The following MAP3K19 variants were observed in gnomAD, a reference collection of about 807,000 sequenced individuals.
MAP3K19 encodes the protein mitogen-activated protein kinase kinase kinase 19.
Under a neutral mutation model 114.4 loss-of-function variants are expected in MAP3K19, and 91 were observed. That is an observed-to-expected ratio of 0.80 (90% confidence interval 0.67 to 0.95). The LOEUF (loss-of-function observed/expected upper bound fraction) is 0.95. MAP3K19 is among the 40% of genes least tolerant of loss of function. The pLI, the probability that MAP3K19 is intolerant of heterozygous loss-of-function variation, is 0.00. For synonymous variants in MAP3K19, 518 were observed against 530.5 expected (o/e 0.98, Z 0.32); for missense variants, 1,471 against 1,573.2 (o/e 0.94, Z 1.10).
chr2:135,016,756 TA>T (rs1455212738), intron 5 of MAP3K19, among the ~76,000 whole-genome samples: 2 of 152,248 alleles, frequency 1.3e-5, no homozygotes, highest in African/African-American at 4.8e-5. Context: ...ATTTGTAGCT[TA>T]CAATGGTATT....
chr2:134,986,673 T>C lies in MAP3K19; in HGVS notation c.2199A>G (p.Lys733=). Residue 733 remains lysine (K), a synonymous_variant, in exon 10 of 13, where the codon AAA becomes AAG. Transcript: ENST00000392915. The part of the protein sequence containing the change: ...MKCPKTSFGI[K]QEHKVLISKE... ...TAGAAATTAAGACTTTGTGCTCTTG[T>C]TTAATGCCAAATGAAGTCTTTGGGC... The C allele has an allele frequency of 4.3e-6, 7 of 1,614,224 alleles. No homozygotes were observed. Among genetic ancestry groups the C allele is most frequent in the Non-Finnish European group, 5.9e-6 (7 of 1,180,042 alleles).
chr2:135,024,554 T>C, intron 4 of MAP3K19, 72 bp downstream of exon 4: 1 of 1,324,776 alleles, frequency 7.5e-7, no homozygotes. Flanking sequence ...ATCAAACAGA[T>C]GTAGAAAAAG....
In MAP3K19 at chr2:135,005,534, G is replaced by A; in HGVS notation, c.139-3C>T. The A allele has an allele frequency of 1.9e-6, 3 of 1,609,482 alleles. No individual in the cohort carries two copies. The highest frequency in any genetic ancestry group is 2.6e-6 in the Non-Finnish European group (3 of 1,175,976). On this transcript the variant is annotated splice_region_variant and splice_polypyrimidine_tract_variant and intron_variant, in intron 5 of 12. Coordinates refer to ENST00000392915, the MANE Select transcript of MAP3K19 (RefSeq NM_025052.5). ...CAGTCACCATCTTGGTCGAACTCCT[G>A]CAATATCATAAAATTCAAAACTCAG...
chr2:135,019,885 T>TGTACTATATA (rs1687851070), intron 5 of MAP3K19, among the ~76,000 whole-genome samples: 2 of 152,304 alleles, frequency 1.3e-5, no homozygotes, highest in East Asian at 3.9e-4. Flanking sequence ...TTACTAATAC[T>TGTACTATATA]GTTACTGTAC....
chr2:134,987,808 T>C lies in MAP3K19; in HGVS notation c.1064A>G (p.Lys355Arg). ...GTTCTCTTCTTCAGGTTTTCGCGTT[T>C]TACTACCATGGCAGTCAATATCCTC... ...REEDIDCHGS[K>R]TRKPEEENSQ... The change falls in exon 10 of 13, where the codon AAA becomes AGA. Residue 355 changes from lysine (K) to arginine (R), a missense_variant. Transcript: ENST00000392915. 6.2e-7 allele frequency: 1 copy of C among 1,608,074 alleles called. No individual in the cohort carries two copies. Among genetic ancestry groups the C allele is most frequent in the Non-Finnish European group, 8.5e-7 (1 of 1,180,004 alleles).
chr2:135,001,233 C>T (rs1002868401), intron 6 of MAP3K19, among the ~76,000 whole-genome samples: 1 of 151,918 alleles, frequency 6.6e-6, no homozygotes, highest in African/African-American at 2.4e-5. Context: ...TTTTGTGCTA[C>T]CATAAAAATG....
intron 1 of MAP3K19, among the ~76,000 whole-genome samples, chr2:135,042,511 A>G (rs1338192041): frequency 2.7e-5 from 4 of 150,858 alleles, no homozygotes; most frequent in Admixed American, 6.6e-5. Flanking sequence ...CAAAAAAAAA[A>G]AAAAAAAAGA....
chr2:134,964,764 G>A lies in MAP3K19; in HGVS notation c.*86C>T. 9.1e-7 allele frequency: 1 copy of A among 1,102,204 alleles called. No individual in the cohort carries two copies. The highest frequency in any genetic ancestry group is 1.3e-6 in the Non-Finnish European group (1 of 742,260). The allele number at this position is 1,102,204 out of a possible 1,614,324, so 68.3% of individuals were successfully genotyped here. A position where few individuals can be genotyped will look rare whatever the true frequency, so the allele number is the denominator to read the frequency against. On this transcript the variant is annotated 3_prime_UTR_variant, in exon 13 of 13. Transcript: ENST00000392915. Reference sequence around the variant, plus strand: ...TGGGTTAGACTGAATTTTCAGTGGGGAAACAAAGATCCCTTAGCCATCATT... The same window carrying A: ...TGGGTTAGACTGAATTTTCAGTGGGAAAACAAAGATCCCTTAGCCATCATT...
intron 4 of MAP3K19, 148 bp downstream of exon 4, chr2:135,024,478 T>C: frequency 1.3e-6 from 1 of 744,710 alleles, no homozygotes; most frequent in Non-Finnish European, 2.3e-6. Flanking sequence ...GAGCACCTAG[T>C]CGTGGGCCTT....
chr2:134,987,864 CA>C lies in MAP3K19; in HGVS notation c.1007del (p.Leu336Ter). 6.2e-7 allele frequency: 1 copy of C among 1,612,528 alleles called. No homozygotes were observed. Among genetic ancestry groups the C allele is most frequent in the Non-Finnish European group, 8.5e-7 (1 of 1,180,018 alleles). On this transcript the variant is annotated frameshift_variant, in exon 10 of 13. Coordinates refer to ENST00000392915, the MANE Select transcript of MAP3K19 (RefSeq NM_025052.5). LOFTEE classifies it high-confidence loss of function. ...KGQSLVSFEN[L>X]KEGNIPAVRE... is the part of the protein sequence containing the mutation. ...TAACTGCAGGAATATTGCCTTCCTT[CA>C]AATTCTCAAAAGACACCAAAGACTG...
chr2:134,989,531 T>C (rs982724950), intron 9 of MAP3K19, among the ~76,000 whole-genome samples: 1 of 152,182 alleles, frequency 6.6e-6, no homozygotes, highest in African/African-American at 2.4e-5. Context: ...GGCAGATTCA[T>C]CCAGTGCTTA....
At chr2:134,984,322 T>C (rs981885748) in intron 10 of MAP3K19, among the ~76,000 whole-genome samples, 20 of 152,112 alleles carry the variant, frequency 1.3e-4, no homozygotes, top group African/African-American at 4.8e-4. Context: ...CATACACACA[T>C]ATTCACATAT....
chr2:135,024,626 C>A lies in MAP3K19; in HGVS notation c.22G>T (p.Glu8Ter), dbSNP rs765621815. 3.1e-6 allele frequency: 5 copies of A among 1,613,430 alleles called. No individual in the cohort carries two copies. The South Asian group carries it at 5.5e-5, about 18-fold the overall frequency. Reference protein sequence around the residue: MSSMPKPERHAESLLDIC... With the variant: MSSMPKP ...ATGCATGTGGAGTGAAAGTATTTAC[C>A]TGGTTTTGGCATAGAACTCATTAAA... Residue 8 changes from glutamate to a stop codon, truncating the protein, a stop_gained and splice_region_variant, in exon 4 of 13, where the codon GAA becomes TAA. Transcript: ENST00000392915. LOFTEE classifies it high-confidence loss of function.
intron 9 of MAP3K19, chr2:134,991,258 A>T: frequency 2.7e-6 from 1 of 368,464 alleles, no homozygotes; most frequent in South Asian, 2.8e-5. Context: ...CCGAGATTGC[A>T]CCACTGCACT....
chr2:134,992,546 A>G (rs151240253), intron 8 of MAP3K19, among the ~76,000 whole-genome samples: 1 of 152,354 alleles, frequency 6.6e-6, no homozygotes, highest in East Asian at 1.9e-4. Flanking sequence ...GGACAGGAAG[A>G]CACAGCAGTA....
Position 134,999,079 on chromosome 2 carries a change from A to G in MAP3K19, c.315-82T>C. 5.5e-6 allele frequency: 8 copies of G among 1,467,116 alleles called. No individual in the cohort carries two copies. The highest frequency in any genetic ancestry group is 7.4e-6 in the Non-Finnish European group (8 of 1,087,048). 90.9% of individuals were successfully genotyped at this position (1,467,116 alleles called of 1,614,324 possible). A position where few individuals can be genotyped will look rare whatever the true frequency, so the allele number is the denominator to read the frequency against. On this transcript the variant is annotated intron_variant, in intron 7 of 12. Transcript: ENST00000392915. The surrounding 1 kb of genome is among the most constrained non-coding windows in gnomAD (Gnocchi z 4.1). Reference sequence around the variant, plus strand: ...CCAGTCCTCAGTTCAGCCTGACATCACTAGAAAGTTTGAAGAACTACTTCC... The same window carrying G: ...CCAGTCCTCAGTTCAGCCTGACATCGCTAGAAAGTTTGAAGAACTACTTCC...
rs1407189054 is a variant in MAP3K19, at chr2:135,033,446, C to T, written c.-283-2946G>A. ...ATCCTCACTTCCCAGTAGGGGCGGT[C>T]GGGCAGAGGCGCCCCCCACCCCCCG... On this transcript the variant is annotated intron_variant, in intron 2 of 12. Coordinates refer to ENST00000392915, the MANE Select transcript of MAP3K19 (RefSeq NM_025052.5). Among the ~76,000 whole-genome samples the T allele has an allele frequency of 1.2e-3, 124 of 106,994 alleles. 26 individuals are homozygous for T. Among genetic ancestry groups the T allele is most frequent in the African/African-American group, 5.3e-3 (107 of 20,140 alleles). 70.2% of individuals were successfully genotyped at this position (106,994 alleles called of 152,430 possible). A position where few individuals can be genotyped will look rare whatever the true frequency, so the allele number is the denominator to read the frequency against.
At chr2:135,046,225 G>T (rs1688738698) in intron 1 of MAP3K19, among the ~76,000 whole-genome samples, 2 of 151,862 alleles carry the variant, frequency 1.3e-5, no homozygotes, top group Admixed American at 6.6e-5. Context: ...TCCATTTTAG[G>T]TTTTTTTCAT....
intron 4 of MAP3K19, among the ~76,000 whole-genome samples, chr2:135,024,151 T>C (rs1162971370): frequency 6.6e-6 from 1 of 152,180 alleles, no homozygotes; most frequent in Admixed American, 6.5e-5. Flanking sequence ...AGGTATAGCT[T>C]TGTCCTCTGC....
Sources: gnomAD v4.1 joint callset for allele counts (sites outside exome capture counted in the v4.1 genomes callset) on GRCh38, gnomAD v4.1.1 for gene constraint, Gnocchi (gnomAD v3.1) non-coding constraint, MANE v1.5 for transcripts, NCBI Gene and HGNC (gene_info 2026-07-23, HGNC 2026-07-21) for gene names.